The following SYN1 variants were observed in gnomAD, a reference collection of about 807,000 sequenced individuals.
SYN1 encodes the protein synapsin I.
SYN1 carries 8 observed loss-of-function variants against 44.6 expected under a neutral mutation model. That is an observed-to-expected ratio of 0.18 (90% CI 0.11 to 0.32). The LOEUF (loss-of-function observed/expected upper bound fraction) is 0.32, where lower values mean the gene tolerates loss of function less well. Among genes scored for constraint, SYN1 ranks in the 10% least tolerant of loss-of-function variants. The pLI is 1.00. For synonymous variants in SYN1, 275 were observed against 280.1 expected, an observed-to-expected ratio of 0.98 and a Z score of 0.18; for missense variants, 451 against 639.4, an observed-to-expected ratio of 0.71 and a Z score of 3.18.
intron 1 of SYN1, among the ~76,000 whole-genome samples, chrX:47,612,413 C>A (rs2057919098): frequency 9.0e-6 from 1 of 110,803 alleles, no homozygotes; most frequent in Non-Finnish European, 1.9e-5. Flanking sequence ...AAGCAAGGTG[C>A]ATGAGCAGGT....
In SYN1 at chrX:47,574,559, C is replaced by T. The variant is rs1372197618; in HGVS notation, c.1425G>A (p.Gln475=). The change falls in exon 12 of 13, where the codon CAG becomes CAA. Residue 475 remains glutamine, a synonymous_variant. Transcript: ENST00000295987. ...GGPPQPGPGP[Q]RQGPPLQQRP... The stretch of plus-strand genomic sequence containing the variant: ...GCTGCTGCAATGGGGGTCCCTGGCG[C>T]TGGGGGCCTGGACCCGGCTGTGGAG... 9 of 1,085,188 alleles carry T rather than the reference C, an allele frequency of 8.3e-6. No individual in the cohort carries two copies. Among genetic ancestry groups the T allele is most frequent in the Non-Finnish European group, 1.1e-5 (9 of 835,919 alleles). 89.4% of individuals were successfully genotyped at this position (1,085,188 alleles called of 1,213,427 possible). A position where few individuals can be genotyped will look rare whatever the true frequency, so the allele number is the denominator to read the frequency against.
intron 5 of SYN1, chrX:47,583,298 GCCCCCTAATCC>G: frequency 3.6e-6 from 2 of 548,035 alleles, no homozygotes; most frequent in South Asian, 7.5e-5. Context: ...CCCAAATCCA[GCCCCCTAATCC>G]CCCCCATAGG....
In SYN1 at chrX:47,605,493, C is replaced by T. The variant is rs550462759; in HGVS notation, c.528-114G>A. The stretch of plus-strand genomic sequence containing the variant: ...GCTCCCAGAAATTGCAAAGTGGTTT[C>T]TCACCTCTGCACACATGTGTGAGCT... On this transcript the variant is annotated intron_variant, in intron 3 of 12. Coordinates refer to ENST00000295987, the MANE Select transcript of SYN1 (RefSeq NM_006950.3). The T allele has an allele frequency of 3.0e-5, 28 of 920,522 alleles. No homozygotes were observed. The South Asian group carries it at 5.6e-4, about 18-fold the overall frequency. The allele number at this position is 920,522 out of a possible 1,213,427, so 75.9% of individuals were successfully genotyped here. A position where few individuals can be genotyped will look rare whatever the true frequency, so the allele number is the denominator to read the frequency against.
At chrX:47,599,002 C>T (rs944117244) in intron 5 of SYN1, among the ~76,000 whole-genome samples, 61 of 108,615 alleles carry the variant, frequency 5.6e-4, no homozygotes, top group Admixed American at 1.2e-3. Flanking sequence ...GCCTGGGTGA[C>T]AGAGCAAGAC....
chrX:47,618,597 G>T (rs1325688305), intron 1 of SYN1, among the ~76,000 whole-genome samples: 1 of 111,087 alleles, frequency 9.0e-6, no homozygotes, highest in Non-Finnish European at 1.9e-5. Flanking sequence ...GGTGCGGCAC[G>T]TATCAGGCAC....
Position 47,615,998 on chromosome X carries a change from C to G in SYN1, c.377+3354G>C, listed in dbSNP as rs758480751. ...TTTAAACCACAGAGGAATTGAGACC[C>G]AGGAAGGAATGAGGGTGGTGAGGTT... On this transcript the variant is annotated intron_variant, in intron 1 of 12. Transcript: ENST00000295987. 4.5e-5 allele frequency among the ~76,000 whole-genome samples: 5 copies of G among 111,703 alleles called. No individual in the cohort carries two copies. The South Asian group carries it at 1.9e-3, about 42-fold the overall frequency.
Position 47,574,525 on chromosome X carries a change from G to A in SYN1, c.1459C>T (p.Pro487Ser). Residue 487 changes from proline to serine, a missense_variant, in exon 12 of 13, where the codon CCG (proline) becomes TCG (serine). By Grantham distance (74) the Pro-to-Ser change is moderately conservative (BLOSUM62 -1). This residue lies in a region of SYN1 where 315 missense variants were observed against 451.4 expected (regional missense o/e 0.70). Coordinates refer to ENST00000295987, the MANE Select transcript of SYN1 (RefSeq NM_006950.3). ...CCTGAAAGGTGCTGCTGGCCCTGCG[G>A]GGGCGGGCGCTGCTGCAATGGGGGT... The part of the protein sequence containing the change: ...QGPPLQQRPP[P>S]QGQQHLSGLG... The A allele has an allele frequency of 1.8e-6, 2 of 1,085,254 alleles. No individual in the cohort carries two copies. The highest frequency in any genetic ancestry group is 2.4e-6 in the Non-Finnish European group (2 of 838,607). The allele number at this position is 1,085,254 out of a possible 1,213,427, so 89.4% of individuals were successfully genotyped here.
intron 1 of SYN1, among the ~76,000 whole-genome samples, chrX:47,614,547 C>T (rs1256989332): frequency 8.9e-6 from 1 of 111,932 alleles, no homozygotes; most frequent in Non-Finnish European, 1.9e-5. Flanking sequence ...AAAACAAGAC[C>T]GATTAGAATT....
At chrX:47,613,632 C>T (rs1349828109) in intron 1 of SYN1, among the ~76,000 whole-genome samples, 1 of 111,975 alleles carries the variant, frequency 8.9e-6, no homozygotes, top group Non-Finnish European at 1.9e-5. Flanking sequence ...CTGCATAACA[C>T]TGCGTCAAAC....
intron 5 of SYN1, chrX:47,586,216 G>A (rs1406898700): frequency 2.7e-6 from 2 of 751,094 alleles, no homozygotes; most frequent in Non-Finnish European, 3.1e-6. Flanking sequence ...CCAACCGGGT[G>A]GGGCCCCTTA....
In SYN1 at chrX:47,574,690, T is replaced by G; in HGVS notation, c.1391A>C (p.Gln464Pro). 1 of 1,181,562 alleles carries G rather than the reference T, an allele frequency of 8.5e-7. No homozygotes were observed. The highest frequency in any genetic ancestry group is 1.1e-6 in the Non-Finnish European group (1 of 880,385). The change falls in exon 11 of 13, where the codon CAG (glutamine) becomes CCG (proline). Residue 464 changes from glutamine (Q) to proline (P), a missense_variant and splice_region_variant. Coordinates refer to ENST00000295987, the MANE Select transcript of SYN1 (RefSeq NM_006950.3). ...GPPAQQRPPPQGGPPQPGPGP... is the reference protein window; with the variant it reads ...GPPAQQRPPPPGGPPQPGPGP... ...GCGACCGCCAGCCTCTCGCTTACCC[T>G]GTGGTGGGGGTCGCTGCTGAGCCGG...
At position 47,573,125 on chromosome X, in the gene SYN1, T is replaced by G. The variant is rs1053077765; in HGVS notation, c.1983-126A>C. ...CCCTCTGATCCTGGGGCTGTGCCTG[T>G]GACCTCCCCACCTGCCACCATGGGC... On this transcript the variant is annotated intron_variant, in intron 12 of 12. Coordinates refer to ENST00000295987, the MANE Select transcript of SYN1 (RefSeq NM_006950.3). The G allele has an allele frequency of 4.0e-5, 36 of 901,369 alleles. No individual in the cohort carries two copies. In the African/African-American group the frequency reaches 6.1e-4, roughly 15 times the overall value. 74.3% of individuals were successfully genotyped at this position (901,369 alleles called of 1,213,427 possible). A position where few individuals can be genotyped will look rare whatever the true frequency, so the allele number is the denominator to read the frequency against.
intron 5 of SYN1, among the ~76,000 whole-genome samples, chrX:47,593,913 C>T (rs757482359): frequency 8.9e-6 from 1 of 111,858 alleles, no homozygotes; most frequent in Non-Finnish European, 1.9e-5. Context: ...ACCACGCTAA[C>T]GTCTTACATT....
Position 47,619,391 on chromosome X carries a change from G to A in SYN1, c.338C>T (p.Ser113Phe), listed in dbSNP as rs1488258803. 1.7e-6 allele frequency: 2 copies of A among 1,194,323 alleles called. No individual in the cohort carries two copies. The highest frequency in any genetic ancestry group is 1.1e-6 in the Non-Finnish European group (1 of 891,801). ...SGGAGRGGAASRVLLVIDEPH... is the reference protein window; with the variant it reads ...SGGAGRGGAAFRVLLVIDEPH... The stretch of plus-strand genomic sequence containing the variant: ...CTCGTCGATGACCAGCAGCACCCTG[G>A]AGGCGGCTCCCCCGCGGCCTGCGCC... Residue 113 changes from serine to phenylalanine, a missense_variant, in exon 1 of 13, where the codon TCC (serine) becomes TTC (phenylalanine). This residue lies in a region of SYN1 where 315 missense variants were observed against 451.4 expected (regional missense o/e 0.70). Transcript: ENST00000295987.
chrX:47,603,222 G>A (rs1314891183), intron 5 of SYN1, among the ~76,000 whole-genome samples: 1 of 110,725 alleles, frequency 9.0e-6, no homozygotes, highest in African/African-American at 3.3e-5. Context: ...TTTGAGACAG[G>A]GTCTCACTCT....
At chrX:47,575,084 C>T (rs1321227857) in intron 10 of SYN1, 44 bp downstream of exon 10, 1 of 1,174,566 alleles carries the variant, frequency 8.5e-7, no homozygotes, top group Non-Finnish European at 1.1e-6. Flanking sequence ...GGGCCGGCCT[C>T]CCCACACTAG....
chrX:47,599,616 T>G (rs1348951824), intron 5 of SYN1, among the ~76,000 whole-genome samples: 1 of 112,791 alleles, frequency 8.9e-6, no homozygotes, highest in Non-Finnish European at 1.9e-5. Flanking sequence ...ATACCACTCC[T>G]AAAAACAGAA....
At chrX:47,582,377 A>AC in intron 5 of SYN1, 1 of 200,913 alleles carries the variant, frequency 5.0e-6, no homozygotes, top group South Asian at 5.3e-5. Flanking sequence ...TGGTTTCCGC[A>AC]CCCGCTGCCA....
intron 1 of SYN1, among the ~76,000 whole-genome samples, chrX:47,615,688 C>T (rs1387781161): frequency 9.0e-6 from 1 of 111,464 alleles, no homozygotes; most frequent in Admixed American, 9.5e-5. Flanking sequence ...GGGTGGATCA[C>T]GAGGTCAGAA....
Sources: allele counts gnomAD v4.1 joint callset (sites outside exome capture counted in the v4.1 genomes callset), GRCh38; gene constraint gnomAD v4.1.1; regional missense constraint gnomAD v4.1.1; transcripts MANE v1.5; gene names NCBI Gene and HGNC (gene_info 2026-07-23, HGNC 2026-07-21).